The following HAUS2 variants were observed in gnomAD, a reference collection of about 807,000 sequenced individuals.
The protein encoded by HAUS2 is HAUS augmin-like complex subunit 2.
A neutral mutation model predicts 21.6 loss-of-function variants in HAUS2; 20 were observed. The observed-to-expected ratio is 0.93, with a 90% CI of 0.65 to 1.35. The LOEUF (loss-of-function observed/expected upper bound fraction) is 1.35. Ranked by LOEUF, HAUS2 falls within the 40% of genes most tolerant of loss-of-function variation. HAUS2 has a pLI of 0.00. For synonymous variants in HAUS2, 113 were observed against 95.6 expected, an observed-to-expected ratio of 1.18 and a Z score of -1.06; for missense variants, 297 against 280.7, an observed-to-expected ratio of 1.06 and a Z score of -0.42.
chr15:42,559,813 G>A (rs1213281091), intron 3 of HAUS2, among the ~76,000 whole-genome samples: 3 of 152,122 alleles, frequency 2.0e-5, no homozygotes. Context: ...AAGTAGCTGG[G>A]ATCACAGGTA....
chr15:42,565,429 G>GTGTC (rs2057896845), intron 5 of HAUS2, among the ~76,000 whole-genome samples: 1 of 145,202 alleles, frequency 6.9e-6, no homozygotes, highest in Non-Finnish European at 1.5e-5. Context: ...GTGTGTGTGT[G>GTGTC]TGTTTTCTTT....
chr15:42,549,765 CAAAAAAAAAAAAA>C (rs58614126), intron 1 of HAUS2, among the ~76,000 whole-genome samples: 14 of 58,118 alleles, frequency 2.4e-4, no homozygotes, highest in African/African-American at 2.8e-4. Flanking sequence ...TCTTTAAAGG[CAAAAAAAAAAAAA>C]AAAAAAAAAA....
At chr15:42,553,072 C>T (rs1006045754) in intron 1 of HAUS2, among the ~76,000 whole-genome samples, 6 of 151,484 alleles carry the variant, frequency 4.0e-5, no homozygotes, top group African/African-American at 9.7e-5. Context: ...CCACAACCTC[C>T]GCCTCCCGGG....
intron 1 of HAUS2, among the ~76,000 whole-genome samples, chr15:42,551,129 C>G (rs2057721934): frequency 6.6e-6 from 1 of 151,568 alleles, no homozygotes. Flanking sequence ...GCTGGGACTA[C>G]AGGCACCTGC....
intron 1 of HAUS2, among the ~76,000 whole-genome samples, chr15:42,557,092 A>G (rs60812675): frequency 0.13 from 19,515 of 149,914 alleles, 1,575 homozygotes; most frequent in African/African-American, 0.23. Context: ...AGGTGGGCAG[A>G]TCATGAGGTC....
At chr15:42,565,922 G>T (rs958759196) in intron 5 of HAUS2, among the ~76,000 whole-genome samples, 2 of 152,176 alleles carry the variant, frequency 1.3e-5, no homozygotes, top group African/African-American at 2.4e-5. Flanking sequence ...TAGTAAGTGG[G>T]CTGGGCGCAA....
chr15:42,562,003 C>T (rs60606292), intron 4 of HAUS2, among the ~76,000 whole-genome samples: 7,129 of 151,880 alleles, frequency 0.047, 559 homozygotes, highest in African/African-American at 0.16. Context: ...ATGGCAAAAC[C>T]CTGTTTCTAC....
rs116380730 is a variant in HAUS2, at chr15:42,558,792, T to C, written c.186+502T>C. Among the ~76,000 whole-genome samples the C allele has an allele frequency of 9.9e-3, 1,511 of 152,052 alleles. 32 individuals are homozygous for C. The highest frequency in any genetic ancestry group is 0.035 in the African/African-American group (1,459 of 41,518). On this transcript the variant is annotated intron_variant, in intron 2 of 5. Transcript: ENST00000260372. Reference sequence around the variant, plus strand: ...GGGCAACACAGGGAGATCCCGTCTCTACAAAAAATTTTAAAAGTAACCAGA... The same window carrying C: ...GGGCAACACAGGGAGATCCCGTCTCCACAAAAAATTTTAAAAGTAACCAGA...
At chr15:42,562,641 T>C (rs1342994579) in intron 4 of HAUS2, among the ~76,000 whole-genome samples, 1 of 152,178 alleles carries the variant, frequency 6.6e-6, no homozygotes, top group Non-Finnish European at 1.5e-5. Context: ...TCAGTATCTG[T>C]TTAGTACATT....
intron 1 of HAUS2, among the ~76,000 whole-genome samples, chr15:42,552,727 A>G (rs1455422117): frequency 2.0e-5 from 3 of 152,138 alleles, no homozygotes; most frequent in East Asian, 3.9e-4. Context: ...CTTATTGGCA[A>G]TTAATAAGAT....
At chr15:42,549,566 C>T (rs1027254100) in intron 1 of HAUS2, among the ~76,000 whole-genome samples, 10 of 151,732 alleles carry the variant, frequency 6.6e-5, no homozygotes, top group Non-Finnish European at 1.3e-4. Flanking sequence ...CCTGCCTCAG[C>T]CTCTGGAGTA....
intron 4 of HAUS2, among the ~76,000 whole-genome samples, chr15:42,562,353 T>A (rs982161807): frequency 6.6e-6 from 1 of 152,206 alleles, no homozygotes; most frequent in African/African-American, 2.4e-5. Context: ...CCCAACACTT[T>A]GGGAGGCCGA....
rs202188115 is a variant in HAUS2, at chr15:42,559,313, A to G, written c.187-26A>G. 9.2e-6 allele frequency: 13 copies of G among 1,417,606 alleles called. No homozygotes were observed. In the Admixed American group the frequency reaches 1.5e-4, roughly 16 times the overall value. The allele number at this position is 1,417,606 out of a possible 1,614,324, so 87.8% of individuals were successfully genotyped here. A position where few individuals can be genotyped will look rare whatever the true frequency, so the allele number is the denominator to read the frequency against. On this transcript the variant is annotated intron_variant, in intron 2 of 5. Transcript: ENST00000260372. ...GCCATGGACACTTTCTGATTGAGCT[A>G]AATGTTACTTTTGTTCCTCATGTAG...
intron 1 of HAUS2, among the ~76,000 whole-genome samples, chr15:42,549,843 T>C (rs2057703616): frequency 6.6e-6 from 1 of 150,692 alleles, no homozygotes; most frequent in Admixed American, 6.6e-5. Flanking sequence ...GAGATTAATT[T>C]TGAGAAGGAG....
At chr15:42,560,997 G>A in intron 3 of HAUS2, 1 of 586,206 alleles carries the variant, frequency 1.7e-6, no homozygotes, top group Non-Finnish European at 3.0e-6. Context: ...TGAATAAGAA[G>A]TAGAGATGAG....
intron 5 of HAUS2, 40 bp downstream of exon 5, chr15:42,563,897 G>T (rs780659248): frequency 2.2e-6 from 2 of 918,166 alleles, no homozygotes; most frequent in South Asian, 2.8e-5. Context: ...TTTTTTACTA[G>T]AAACTTAGAG....
intron 4 of HAUS2, among the ~76,000 whole-genome samples, chr15:42,563,139 G>T (rs1324461577): frequency 6.7e-6 from 1 of 150,218 alleles, no homozygotes; most frequent in Non-Finnish European, 1.5e-5. Context: ...AAATGGGGCT[G>T]GGCAAGGTGG....
chr15:42,559,269 G>A lies in HAUS2; in HGVS notation c.187-70G>A, dbSNP rs1235688536. The A allele has an allele frequency of 9.1e-6, 8 of 875,052 alleles. No homozygotes were observed. The East Asian group carries it at 1.7e-4, about 19-fold the overall frequency. 54.2% of individuals were successfully genotyped at this position (875,052 alleles called of 1,614,324 possible). Reference sequence around the variant, plus strand: ...GCCTCCCAAAGTGCTGGGATTACAGGAGTGAGCCACCGCACCTGGCCATGG... The same window carrying A: ...GCCTCCCAAAGTGCTGGGATTACAGAAGTGAGCCACCGCACCTGGCCATGG... On this transcript the variant is annotated intron_variant, in intron 2 of 5. Coordinates refer to ENST00000260372, the MANE Select transcript of HAUS2 (RefSeq NM_018097.3).
In HAUS2 at chr15:42,557,372, A is replaced by G. The variant is rs1240502396; in HGVS notation, c.94-826A>G. On this transcript the variant is annotated intron_variant, in intron 1 of 5. Transcript: ENST00000260372. Reference sequence around the variant, plus strand: ...TATATATAATATATATTTTATATATATTATATATTTTATATATAATATATA... The same window carrying G: ...TATATATAATATATATTTTATATATGTTATATATTTTATATATAATATATA... Among the ~76,000 whole-genome samples, 9 of 82,654 alleles carry G rather than the reference A, an allele frequency of 1.1e-4. 1 individual carries two copies. In the East Asian group the frequency reaches 2.5e-3, roughly 23 times the overall value. The allele number at this position is 82,654 out of a possible 152,430, so 54.2% of individuals were successfully genotyped here.
Sources: allele counts gnomAD v4.1 joint callset (sites outside exome capture counted in the v4.1 genomes callset), GRCh38; gene constraint gnomAD v4.1.1; transcripts MANE v1.5; gene names NCBI Gene and HGNC (gene_info 2026-07-23, HGNC 2026-07-21).